Variants in IQSEC1 observed in about 807,000 individuals in gnomAD.
The protein encoded by IQSEC1 is IQ motif and SEC7 domain-containing protein 1.
A neutral mutation model predicts 91.0 loss-of-function variants in IQSEC1; 31 were observed. That is an observed-to-expected ratio of 0.34 (90% CI 0.26 to 0.46). The LOEUF (loss-of-function observed/expected upper bound fraction) is 0.46. Ranked by LOEUF, IQSEC1 falls within the 20% of genes least tolerant of loss-of-function variation. IQSEC1 has a pLI of 1.00. For missense variants in IQSEC1, 1,388 were observed against 1,575.6 expected (o/e 0.88, Z 2.02); for synonymous variants, 699 against 662.6 (o/e 1.05, Z -0.84).
rs370534423 is a variant in IQSEC1, at chr3:13,026,864, G to GCTTTTTTTTTTTTTTTTT, written c.23+46127_23+46128insAAAAAAAAAAAAAAAAAG. Among the ~76,000 whole-genome samples the GCTTTTTTTTTTTTTTTTT allele has an allele frequency of 2.2e-5, 2 of 90,864 alleles. 1 individual carries two copies. Among genetic ancestry groups the GCTTTTTTTTTTTTTTTTT allele is most frequent in the Non-Finnish European group, 4.9e-5 (2 of 40,730 alleles). The allele number at this position is 90,864 out of a possible 152,430, so 59.6% of individuals were successfully genotyped here. On this transcript the variant is annotated intron_variant, in intron 1 of 13. Transcript: ENST00000613206. Reference sequence around the variant, plus strand: ...TGAAGTAGCAGTTATTATCTCCCCAGTTTTTTTTTTTTTTGTTTGTTTTTT... The same window carrying GCTTTTTTTTTTTTTTTTT: ...TGAAGTAGCAGTTATTATCTCCCCAGCTTTTTTTTTTTTTTTTTTTTTTTTTTTTTTTGTTTGTTTTTT...
In IQSEC1 at chr3:12,935,015, G is replaced by T. The variant is rs1016207497; in HGVS notation, c.1568+433C>A. On this transcript the variant is annotated intron_variant, in intron 3 of 13. Transcript: ENST00000613206. This position sits in a 1 kb window ranked among gnomAD's most constrained non-coding sequence, Gnocchi z 8.0. ...CCCACAAGACACAGCCCTGGGTCTC[G>T]CCTGTCTGCCCCTGCCCCCCACTGA... Among the ~76,000 whole-genome samples, 1 of 151,684 alleles carries T rather than the reference G, an allele frequency of 6.6e-6. No homozygotes were observed. The highest frequency in any genetic ancestry group is 1.5e-5 in the Non-Finnish European group (1 of 67,924).
At chr3:13,246,252 G>T (rs993712024) in intron 1 of IQSEC1, among the ~76,000 whole-genome samples, 1 of 152,140 alleles carries the variant, frequency 6.6e-6, no homozygotes, top group South Asian at 2.1e-4. Context: ...AAAACAAGCC[G>T]ATCACCAAAG....
At chr3:13,161,094 A>G (rs1330149814) in intron 2 of IQSEC1, among the ~76,000 whole-genome samples, 7 of 152,238 alleles carry the variant, frequency 4.6e-5, no homozygotes, top group African/African-American at 1.4e-4. Context: ...TTTTCTAAAC[A>G]TAGGAAACAT....
intron 1 of IQSEC1, among the ~76,000 whole-genome samples, chr3:13,278,973 C>T (rs1220124143): frequency 3.3e-5 from 5 of 152,176 alleles, no homozygotes; most frequent in Non-Finnish European, 5.9e-5. Context: ...AAAATGGGAG[C>T]AGCAGCTGCA....
At chr3:12,988,368 T>A (rs915406680) in intron 1 of IQSEC1, among the ~76,000 whole-genome samples, 5 of 152,054 alleles carry the variant, frequency 3.3e-5, no homozygotes, top group African/African-American at 1.2e-4. Flanking sequence ...TGAGCTGAGA[T>A]TGCGCCAATG....
intron 1 of IQSEC1, among the ~76,000 whole-genome samples, chr3:13,043,758 G>C (rs1363916256): frequency 1.3e-5 from 2 of 152,230 alleles, no homozygotes. Context: ...GAAGGATCTT[G>C]TATAGTGTGT....
chr3:12,950,465 G>C (rs1699467068), intron 1 of IQSEC1, among the ~76,000 whole-genome samples: 1 of 152,076 alleles, frequency 6.6e-6, no homozygotes, highest in South Asian at 2.1e-4. Context: ...CCAGGAGTTT[G>C]AGATCAGTTT....
rs745809088 is a variant in IQSEC1, at chr3:12,911,699, G to A, written c.2346C>T (p.Asn782=). 3 of 1,613,562 alleles carry A rather than the reference G, an allele frequency of 1.9e-6. No homozygotes were observed. The highest frequency in any genetic ancestry group is 1.7e-5 in the Admixed American group (1 of 60,024). Residue 782 remains asparagine, a synonymous_variant, in exon 10 of 14, where the codon AAC becomes AAT. Coordinates refer to ENST00000613206, the MANE Select transcript of IQSEC1 (RefSeq NM_001134382.3). The part of the protein sequence containing the change: ...VVTKIFQKKK[N]SVTYSFRQSF... The stretch of plus-strand genomic sequence containing the variant: ...ACTGTCGGAAGCTGTACGTCACCGA[G>A]TTCTTCTTCTTCTGGAAGATCTTGG...
chr3:13,196,380 G>A (rs1308925903), intron 1 of IQSEC1, among the ~76,000 whole-genome samples: 2 of 152,196 alleles, frequency 1.3e-5, no homozygotes, highest in African/African-American at 4.8e-5. Flanking sequence ...ACAAGGAAAG[G>A]TAACGCATGA....
At chr3:13,118,273 C>T (rs1190088130) in intron 2 of IQSEC1, among the ~76,000 whole-genome samples, 2 of 152,180 alleles carry the variant, frequency 1.3e-5, no homozygotes, top group East Asian at 3.8e-4. Context: ...AAATCAAACA[C>T]AGAATTATCA....
At position 12,983,654 on chromosome 3, in the gene IQSEC1, G is replaced by A. The variant is rs376781322; in HGVS notation, c.24-41789C>T. On this transcript the variant is annotated intron_variant, in intron 1 of 13. Coordinates refer to ENST00000613206, the MANE Select transcript of IQSEC1 (RefSeq NM_001134382.3). The surrounding 1 kb of genome is among the most constrained non-coding windows in gnomAD (Gnocchi z 4.3). ...TTCTTGGCTCAGCTCCTTCAGGGAC[G>A]CCTGGGCTGACCTCACAGGCCACGC... is the stretch of plus-strand genomic sequence containing the variant. Among the ~76,000 whole-genome samples, 1 of 152,100 alleles carries A rather than the reference G, an allele frequency of 6.6e-6. No individual in the cohort carries two copies. The highest frequency in any genetic ancestry group is 2.4e-5 in the African/African-American group (1 of 41,392).
intron 1 of IQSEC1, among the ~76,000 whole-genome samples, chr3:13,001,382 G>A (rs905283217): frequency 2.0e-5 from 3 of 152,194 alleles, no homozygotes; most frequent in Non-Finnish European, 4.4e-5. Context: ...CTGAGAAATG[G>A]CTCTATATTA....
At chr3:13,149,593 G>T (rs1461170398) in intron 2 of IQSEC1, among the ~76,000 whole-genome samples, 1 of 152,128 alleles carries the variant, frequency 6.6e-6, no homozygotes, top group East Asian at 1.9e-4. Flanking sequence ...GGGAAATCCG[G>T]CTCCTCTATT....
At chr3:13,018,695 A>G (rs1375445449) in intron 1 of IQSEC1, among the ~76,000 whole-genome samples, 1 of 152,144 alleles carries the variant, frequency 6.6e-6, no homozygotes, top group Admixed American at 6.5e-5. Context: ...TCCACCCTCC[A>G]GAACTACTGT....
chr3:12,901,390 G>A lies in IQSEC1; in HGVS notation c.2938C>T (p.Pro980Ser), dbSNP rs755482053. 2 of 1,542,016 alleles carry A rather than the reference G, an allele frequency of 1.3e-6. No individual in the cohort carries two copies. Among genetic ancestry groups the A allele is most frequent in the South Asian group, 2.4e-5 (2 of 83,940 alleles). Residue 980 changes from proline to serine, a missense_variant, in exon 14 of 14, where the codon CCC becomes TCC. Around this residue, in one of 2 missense-constraint regions of IQSEC1, gnomAD observed 329 missense variants for 257.8 expected, o/e 1.28. Transcript: ENST00000613206. ...GSLFGSKRGKPPPQAHLPSAP... is the reference protein window; with the variant it reads ...GSLFGSKRGKSPPQAHLPSAP... ...GAGGGCAGGTGGGCCTGGGGAGGGGGCTTCCCTCTCTTGCTCCCGAATAAG... is the reference window on the plus strand; with the variant it reads ...GAGGGCAGGTGGGCCTGGGGAGGGGACTTCCCTCTCTTGCTCCCGAATAAG...
chr3:13,177,472 G>A (rs1196970606), intron 1 of IQSEC1, among the ~76,000 whole-genome samples: 1 of 152,238 alleles, frequency 6.6e-6, no homozygotes, highest in Admixed American at 6.5e-5. Flanking sequence ...GGGCACTCCT[G>A]TGAACCTCAT....
At chr3:13,012,975 T>TTTTTTTTTTTTTTTTG (rs1702955701) in intron 1 of IQSEC1, among the ~76,000 whole-genome samples, 1 of 146,846 alleles carries the variant, frequency 6.8e-6, no homozygotes, top group Non-Finnish European at 1.5e-5. Context: ...TTTTTTTTTT[T>TTTTTTTTTTTTTTTTG]TTTTTGAGAC....
chr3:13,028,431 G>A (rs1576187490), intron 1 of IQSEC1, among the ~76,000 whole-genome samples: 1 of 152,328 alleles, frequency 6.6e-6, no homozygotes, highest in East Asian at 1.9e-4. Flanking sequence ...ATCGAGTTAT[G>A]CCATGGGAGG....
At chr3:13,148,739 C>T (rs918888397) in intron 2 of IQSEC1, among the ~76,000 whole-genome samples, 1 of 152,238 alleles carries the variant, frequency 6.6e-6, no homozygotes, top group Non-Finnish European at 1.5e-5. Flanking sequence ...CTGCAGGCTT[C>T]TGAGTTTGTT....
Sources: gnomAD v4.1 joint callset for allele counts (sites outside exome capture counted in the v4.1 genomes callset) on GRCh38, gnomAD v4.1.1 for gene constraint, gnomAD v4.1.1 regional missense constraint, Gnocchi (gnomAD v3.1) non-coding constraint, MANE v1.5 for transcripts, NCBI Gene and HGNC (gene_info 2026-07-23, HGNC 2026-07-21) for gene names.